The following GRIN2A variants were observed in gnomAD, a reference collection of about 807,000 sequenced individuals.
GRIN2A encodes the protein glutamate ionotropic receptor NMDA type subunit 2A.
In GRIN2A, 22 loss-of-function variants were observed where a neutral mutation model predicts 113.4. The observed-to-expected ratio is 0.19, with a 90% confidence interval of 0.14 to 0.28. GRIN2A has a LOEUF of 0.28. Among genes scored for constraint, GRIN2A ranks in the 10% least tolerant of loss-of-function variants. The pLI is 1.00. For synonymous variants in GRIN2A, 827 were observed against 738.4 expected (o/e 1.12, Z -1.94); for missense variants, 1,502 against 1,887.0 (o/e 0.80, Z 3.78).
chr16:10,095,045 G>T (rs1380016716), intron 2 of GRIN2A, among the ~76,000 whole-genome samples: 4 of 152,060 alleles, frequency 2.6e-5, no homozygotes, highest in African/African-American at 4.8e-5. Context: ...ACCCCAGGTT[G>T]ATAGGACTGG....
intron 2 of GRIN2A, among the ~76,000 whole-genome samples, chr16:10,166,754 T>C (rs142897487): frequency 1.3e-5 from 2 of 152,278 alleles, no homozygotes; most frequent in African/African-American, 4.8e-5. Flanking sequence ...CGTCTACCTA[T>C]ACGCAAATTT....
intron 2 of GRIN2A, among the ~76,000 whole-genome samples, chr16:10,021,747 G>C (rs1000762661): frequency 2.6e-5 from 4 of 151,860 alleles, no homozygotes; most frequent in East Asian, 2.0e-4. Flanking sequence ...TGTCTCCCCT[G>C]TCAGGGGAGA....
intron 10 of GRIN2A, among the ~76,000 whole-genome samples, chr16:9,807,408 GA>G (rs2042003128): frequency 7.8e-6 from 1 of 129,022 alleles, no homozygotes; most frequent in Non-Finnish European, 1.7e-5. Flanking sequence ...GAGGGAGGGA[GA>G]GAAAGGAGAG....
At position 9,937,959 on chromosome 16, in the gene GRIN2A, G is replaced by A. The variant is rs757262372; in HGVS notation, c.1007C>T (p.Pro336Leu). ...TGGGAGACAACAAGCCCTTTCTTAC[G>A]GGTGCAAGGTGTGCATCGGGACCTC... ...RPEVPMHTLH[P>L]FMVNVTWDGK... is the part of the protein sequence containing the mutation. Residue 336 changes from proline to leucine, a missense_variant and splice_region_variant, in exon 3 of 13, where the codon CCA becomes CTA. Pro to Leu is a moderately conservative substitution (Grantham distance 98). This residue lies in a region of GRIN2A where 334 missense variants were observed against 403.0 expected (regional missense o/e 0.83). Coordinates refer to ENST00000330684, the MANE Select transcript of GRIN2A (RefSeq NM_001134407.3). 9.3e-6 allele frequency: 15 copies of A among 1,609,172 alleles called. No individual in the cohort carries two copies. The highest frequency in any genetic ancestry group is 5.0e-5 in the Admixed American group (3 of 59,992).
At chr16:9,891,938 C>G (rs752612548) in intron 3 of GRIN2A, among the ~76,000 whole-genome samples, 1 of 151,904 alleles carries the variant, frequency 6.6e-6, no homozygotes, top group South Asian at 2.1e-4. Context: ...GTCTTAAAAC[C>G]GTGGGAAGGT....
intron 2 of GRIN2A, among the ~76,000 whole-genome samples, chr16:10,013,298 TCC>T (rs1187996945): frequency 6.6e-6 from 1 of 152,184 alleles, no homozygotes; most frequent in South Asian, 2.1e-4. Context: ...TCTGTTCCTC[TCC>T]CACGAAAGCC....
intron 2 of GRIN2A, among the ~76,000 whole-genome samples, chr16:10,051,144 A>G (rs2048405119): frequency 6.6e-6 from 1 of 152,204 alleles, no homozygotes; most frequent in Non-Finnish European, 1.5e-5. Flanking sequence ...GGAGTTGATC[A>G]AACAATAAGA....
intron 4 of GRIN2A, among the ~76,000 whole-genome samples, chr16:9,858,603 A>G (rs2043008577): frequency 6.6e-6 from 1 of 152,224 alleles, no homozygotes. Flanking sequence ...AAATATAAAA[A>G]GGGTAGATTA....
chr16:9,937,475 ATATATATACCTAC>A (rs2044738310), intron 3 of GRIN2A, among the ~76,000 whole-genome samples: 1 of 152,180 alleles, frequency 6.6e-6, no homozygotes, highest in Admixed American at 6.5e-5. Flanking sequence ...TACCCCATAA[ATATATATACCTAC>A]TATGTACCCA....
At chr16:10,147,275 C>A (rs2049460246) in intron 2 of GRIN2A, among the ~76,000 whole-genome samples, 1 of 151,850 alleles carries the variant, frequency 6.6e-6, no homozygotes, top group African/African-American at 2.4e-5. Flanking sequence ...CGTTCAAAGA[C>A]TGAGAAACCC....
intron 2 of GRIN2A, among the ~76,000 whole-genome samples, chr16:9,959,969 T>A (rs1197570578): frequency 1.3e-5 from 2 of 151,928 alleles, no homozygotes; most frequent in African/African-American, 2.4e-5. Context: ...CGAGATTTCA[T>A]CTCAAAAAAA....
intron 12 of GRIN2A, among the ~76,000 whole-genome samples, chr16:9,767,925 C>G (rs967198893): frequency 3.3e-5 from 5 of 152,218 alleles, no homozygotes; most frequent in African/African-American, 1.2e-4. Flanking sequence ...TGTTCTGTTA[C>G]AATGCATACA....
rs1231010584 is a variant in GRIN2A at position 10,025,963 on chromosome 16, G to A, written c.415-87412C>T. On this transcript the variant is annotated intron_variant, in intron 2 of 12. Coordinates refer to ENST00000330684, the MANE Select transcript of GRIN2A (RefSeq NM_001134407.3). ...GAGGAAGTCAGGCACAGCGAGCTTC[G>A]TAGCCAGGGTCCTGGAGCCAACCTC... 3.9e-5 allele frequency among the ~76,000 whole-genome samples: 6 copies of A among 152,298 alleles called. No homozygotes were observed. In the East Asian group the frequency reaches 9.6e-4, roughly 24 times the overall value.
chr16:10,010,739 C>G (rs1216383126), intron 2 of GRIN2A, among the ~76,000 whole-genome samples: 2 of 152,150 alleles, frequency 1.3e-5, no homozygotes, highest in Non-Finnish European at 2.9e-5. Context: ...GCCTCCACCC[C>G]CAGGTACGTG....
chr16:10,052,866 G>A (rs954704282), intron 2 of GRIN2A, among the ~76,000 whole-genome samples: 2 of 152,154 alleles, frequency 1.3e-5, no homozygotes, highest in South Asian at 4.1e-4. Context: ...TGGCCAACAT[G>A]GTGAAACCTC....
At chr16:10,098,230 G>A (rs1049138532) in intron 2 of GRIN2A, among the ~76,000 whole-genome samples, 7 of 152,154 alleles carry the variant, frequency 4.6e-5, no homozygotes, top group Admixed American at 6.5e-5. Flanking sequence ...AATGATCAGG[G>A]AAATGCAAAT....
At chr16:9,823,398 G>C (rs2042325213) in intron 9 of GRIN2A, among the ~76,000 whole-genome samples, 1 of 152,304 alleles carries the variant, frequency 6.6e-6, no homozygotes, top group South Asian at 2.1e-4. Flanking sequence ...CATCTGTAGA[G>C]TGGGGGGCCA....
chr16:9,930,447 T>C (rs2044561578), intron 3 of GRIN2A, among the ~76,000 whole-genome samples: 1 of 152,172 alleles, frequency 6.6e-6, no homozygotes, highest in South Asian at 2.1e-4. Flanking sequence ...GAAAAATGAT[T>C]TGTGTTCCTC....
chr16:9,913,088 T>G (rs550180866), intron 3 of GRIN2A, among the ~76,000 whole-genome samples: 1 of 152,228 alleles, frequency 6.6e-6, no homozygotes, highest in Non-Finnish European at 1.5e-5. Context: ...CTTCCACTGA[T>G]AGCTTAAAGT....
Sources: allele counts gnomAD v4.1 joint callset (sites outside exome capture counted in the v4.1 genomes callset), GRCh38; gene constraint gnomAD v4.1.1; regional missense constraint gnomAD v4.1.1; transcripts MANE v1.5; gene names NCBI Gene and HGNC (gene_info 2026-07-23, HGNC 2026-07-21).